Variants in PIGH observed in about 807,000 individuals in gnomAD.
PIGH encodes the protein phosphatidylinositol N-acetylglucosaminyltransferase subunit H.
PIGH carries 11 observed loss-of-function variants against 20.1 expected under a neutral mutation model. That is an observed-to-expected ratio of 0.55 (90% CI 0.34 to 0.91). The LOEUF (loss-of-function observed/expected upper bound fraction) is 0.91, where lower values mean the gene tolerates loss of function less well. PIGH is among the 40% of genes least tolerant of loss of function. PIGH has a pLI of 0.02. For synonymous variants in PIGH, 72 were observed against 93.1 expected (o/e 0.77, Z 1.31); for missense variants, 189 against 233.6 (o/e 0.81, Z 1.24).
chr14:67,595,143 A>T (rs8004040), intron 1 of PIGH, among the ~76,000 whole-genome samples: 3 of 140,074 alleles, frequency 2.1e-5, no homozygotes, highest in Non-Finnish European at 4.7e-5. Flanking sequence ...TCTAAAAAAA[A>T]TAAAAATAAA....
At chr14:67,593,490 CAAAAAAAAAAAAA>C (rs2036414436) in intron 2 of PIGH, 1 of 306,198 alleles carries the variant, frequency 3.3e-6, no homozygotes, top group African/African-American at 2.4e-5. Context: ...GACCCTGTCT[CAAAAAAAAAAAAA>C]GAAAAAAGAT....
At chr14:67,596,989 T>C (rs187137944) in intron 1 of PIGH, among the ~76,000 whole-genome samples, 1 of 152,374 alleles carries the variant, frequency 6.6e-6, no homozygotes, top group East Asian at 1.9e-4. Context: ...TGATGGTCTC[T>C]TTCTACTTTT....
chr14:67,592,250 C>T, intron 3 of PIGH: 1 of 365,468 alleles, frequency 2.7e-6, no homozygotes, highest in South Asian at 2.1e-5. Flanking sequence ...GCCTAGGCAA[C>T]ATGGCAAGAC....
chr14:67,593,580 A>G, intron 2 of PIGH, 163 bp downstream of exon 2: 1 of 586,764 alleles, frequency 1.7e-6, no homozygotes, highest in South Asian at 2.2e-5. Flanking sequence ...TTGAAATGCT[A>G]ATTCCCTATC....
intron 1 of PIGH, among the ~76,000 whole-genome samples, chr14:67,595,144 TAAAAATAAA>T (rs1160476547): frequency 1.4e-5 from 2 of 142,276 alleles, no homozygotes; most frequent in East Asian, 4.0e-4. Flanking sequence ...CTAAAAAAAA[TAAAAATAAA>T]AAAAATAAAA....
chr14:67,592,695 G>A lies in PIGH; in HGVS notation c.414C>T (p.Cys138=). The part of the protein sequence containing the change: ...IYMQKVIYYL[C]ILLKDPVEPH... ...GTTCCACTGGATCTTTCAATAAGAT[G>A]CAGAGGTAGTAAATCACCTTCTGCT... The change falls in exon 3 of 4, where the codon TGC becomes TGT. Residue 138 remains cysteine, a synonymous_variant. Coordinates refer to ENST00000216452, the MANE Select transcript of PIGH (RefSeq NM_004569.5). 6.2e-7 allele frequency: 1 copy of A among 1,604,658 alleles called. No individual in the cohort carries two copies. The highest frequency in any genetic ancestry group is 8.5e-7 in the Non-Finnish European group (1 of 1,173,176).
At chr14:67,592,333 A>G in intron 3 of PIGH, 1 of 434,544 alleles carries the variant, frequency 2.3e-6, no homozygotes, top group Non-Finnish European at 4.2e-6. Flanking sequence ...CCAAGTTCTC[A>G]GGAGGCTGAG....
At chr14:67,592,016 T>C (rs1386578272) in intron 3 of PIGH, 1 of 153,372 alleles carries the variant, frequency 6.5e-6, no homozygotes, top group Admixed American at 6.4e-5. Context: ...AGACACACAA[T>C]AGTGTACAAT....
chr14:67,596,437 G>A (rs980143525), intron 1 of PIGH, among the ~76,000 whole-genome samples: 18 of 150,690 alleles, frequency 1.2e-4, no homozygotes, highest in East Asian at 3.9e-4. Context: ...CACCGCACCC[G>A]GCAAAGCTAT....
Position 67,589,498 on chromosome 14 carries a change from TTGTTTGTCAATAAAAAGCAGCTATC to T in PIGH, c.*557_*581del. ...ACACCATGACTGAAATACTATGATCTTGTTTGTCAATAAAAAGCAGCTATCTGTGAACCAGGTAACTGTGTGTTTT... is the reference window on the plus strand; with the variant it reads ...ACACCATGACTGAAATACTATGATCTTGTGAACCAGGTAACTGTGTGTTTT... On this transcript the variant is annotated 3_prime_UTR_variant, in exon 4 of 4. Coordinates refer to ENST00000216452, the MANE Select transcript of PIGH (RefSeq NM_004569.5). 1 of 985,148 alleles carries T rather than the reference TTGTTTGTCAATAAAAAGCAGCTATC, an allele frequency of 1.0e-6. No homozygotes were observed. The highest frequency in any genetic ancestry group is 1.2e-6 in the Non-Finnish European group (1 of 829,670). The allele number at this position is 985,148 out of a possible 1,614,324, so 61.0% of individuals were successfully genotyped here.
rs140750831 is a variant in PIGH at position 67,593,816 on chromosome 14, G to A, written c.317C>T (p.Ser106Leu). The change falls in exon 2 of 4, where the codon TCA becomes TTA. Residue 106 changes from serine (S) to leucine (L), a missense_variant. Transcript: ENST00000216452. Reference protein sequence around the residue: ...LGIQMTSSYASGKESTTFIEM... With the variant: ...LGIQMTSSYALGKESTTFIEM... ...TATGAAGGTAGTGCTTTCTTTGCCT[G>A]AAGCATAAGATGAAGTCATCTGAAT... is the stretch of plus-strand genomic sequence containing the variant. 1,902 of 1,613,462 alleles carry A rather than the reference G, an allele frequency of 1.2e-3. 6 individuals are homozygous for A. Among genetic ancestry groups the A allele is most frequent in the Non-Finnish European group, 1.5e-3 (1,725 of 1,179,414 alleles).
chr14:67,589,502 T>C lies in PIGH; in HGVS notation c.*578A>G. ...CATGACTGAAATACTATGATCTTGT[T>C]TGTCAATAAAAAGCAGCTATCTGTG... On this transcript the variant is annotated 3_prime_UTR_variant, in exon 4 of 4. Coordinates refer to ENST00000216452, the MANE Select transcript of PIGH (RefSeq NM_004569.5). 1 of 985,222 alleles carries C rather than the reference T, an allele frequency of 1.0e-6. No homozygotes were observed. Among genetic ancestry groups the C allele is most frequent in the Middle Eastern group, 5.2e-4 (1 of 1,914 alleles). 61.0% of individuals were successfully genotyped at this position (985,222 alleles called of 1,614,324 possible).
At chr14:67,591,550 T>C (rs569023024) in intron 3 of PIGH, among the ~76,000 whole-genome samples, 2 of 152,330 alleles carry the variant, frequency 1.3e-5, no homozygotes, top group Non-Finnish European at 1.5e-5. Context: ...AATTTTTGTT[T>C]TTTGAGATGG....
chr14:67,598,610 A>G (rs557099587), intron 1 of PIGH, among the ~76,000 whole-genome samples: 1 of 152,196 alleles, frequency 6.6e-6, no homozygotes, highest in Admixed American at 6.5e-5. Flanking sequence ...TACATAGGCT[A>G]TAAGAACTCA....
Position 67,600,085 on chromosome 14 carries a change from G to T in PIGH, c.119C>A (p.Ser40Ter), listed in dbSNP as rs1325636735. The change falls in exon 1 of 4, where the codon TCG becomes TAG. Residue 40 changes from serine (S) to a stop codon, truncating the protein, a stop_gained. Coordinates refer to ENST00000216452, the MANE Select transcript of PIGH (RefSeq NM_004569.5). LOFTEE classifies it high-confidence loss of function. ...CLSCPRLSLR[S>*]LTAVTCTVWL... Reference sequence around the variant, plus strand: ...CACCGTGCAGGTGACAGCGGTGAGCGAACGCAGCGAGAGCCGAGGGCAGCT... The same window carrying T: ...CACCGTGCAGGTGACAGCGGTGAGCTAACGCAGCGAGAGCCGAGGGCAGCT... 3.1e-6 allele frequency: 5 copies of T among 1,593,482 alleles called. No individual in the cohort carries two copies. Among genetic ancestry groups the T allele is most frequent in the African/African-American group, 1.3e-5 (1 of 74,480 alleles).
chr14:67,599,913 A>G lies in PIGH; in HGVS notation c.180+111T>C. ...CCGTGAGTTCCCGCCCTCCTGTCCTATCACTGTAGGAGGGGCCGACCAGAG... is the reference window on the plus strand; with the variant it reads ...CCGTGAGTTCCCGCCCTCCTGTCCTGTCACTGTAGGAGGGGCCGACCAGAG... On this transcript the variant is annotated intron_variant, in intron 1 of 3. Transcript: ENST00000216452. 8.4e-6 allele frequency: 7 copies of G among 834,842 alleles called. No homozygotes were observed. The South Asian group carries it at 1.3e-4, about 15-fold the overall frequency. The allele number at this position is 834,842 out of a possible 1,614,324, so 51.7% of individuals were successfully genotyped here.
intron 1 of PIGH, among the ~76,000 whole-genome samples, chr14:67,597,459 C>T (rs2036495558): frequency 6.7e-6 from 1 of 150,354 alleles, no homozygotes; most frequent in South Asian, 2.1e-4. Context: ...GCCTGGGCAA[C>T]AGAGTGAGAA....
intron 1 of PIGH, among the ~76,000 whole-genome samples, chr14:67,598,714 T>TTTTTA (rs1416066224): frequency 4.9e-4 from 3 of 6,164 alleles, no homozygotes; most frequent in Non-Finnish European, 1.6e-3. Context: ...ATGAACAAAC[T>TTTTTA]TTTTTTTTTT....
At position 67,600,229 on chromosome 14, in the gene PIGH, C is replaced by CGCGCG. The variant is rs2036555311; in HGVS notation, c.-31_-27dup. The stretch of plus-strand genomic sequence containing the variant: ...GACGCCCCCACTCGGCCGCCCGCAC[C>CGCGCG]GCGCGGCGCTGCACTGCGCTCGCCG... On this transcript the variant is annotated 5_prime_UTR_variant, in exon 1 of 4. Coordinates refer to ENST00000216452, the MANE Select transcript of PIGH (RefSeq NM_004569.5). 1.3e-6 allele frequency: 2 copies of CGCGCG among 1,542,332 alleles called. No individual in the cohort carries two copies. Among genetic ancestry groups the CGCGCG allele is most frequent in the Admixed American group, 3.8e-5 (2 of 52,294 alleles).
Sources: gnomAD v4.1 joint callset for allele counts (sites outside exome capture counted in the v4.1 genomes callset) on GRCh38, gnomAD v4.1.1 for gene constraint, MANE v1.5 for transcripts, NCBI Gene and HGNC (gene_info 2026-07-23, HGNC 2026-07-21) for gene names.